The following BIN1 variants were observed in gnomAD, a reference collection of about 807,000 sequenced individuals.
The protein encoded by BIN1 is myc box-dependent-interacting protein 1.
BIN1 carries 53 observed loss-of-function variants against 82.0 expected under a neutral mutation model. The observed-to-expected ratio is 0.65, with a 90% CI of 0.52 to 0.81. BIN1 has a LOEUF of 0.81. BIN1 is among the 40% of genes least tolerant of loss of function. The probability of loss-of-function intolerance (pLI) is 0.00; values close to 1 mark genes in which losing one functional copy is unlikely to be tolerated. For synonymous variants in BIN1, 302 were observed against 328.0 expected, an observed-to-expected ratio of 0.92 and a Z score of 0.86; for missense variants, 642 against 784.4, an observed-to-expected ratio of 0.82 and a Z score of 2.17.
Position 127,059,141 on chromosome 2 carries a change from G to T in BIN1, c.872C>A (p.Ala291Glu). 1 of 1,581,604 alleles carries T rather than the reference G, an allele frequency of 6.3e-7. No homozygotes were observed. ...AGGCGAAGGGCTCTTGTTCCCTTTT[G>T]CAGGCGCGTTGTCACTGTGGGGGAG... ...VKAQPSDNAP[A>E]KGNKSPSPPD... Residue 291 changes from alanine to glutamate, a missense_variant, in exon 11 of 19, where the codon GCA becomes GAA. Coordinates refer to ENST00000316724, the MANE Select transcript of BIN1 (RefSeq NM_139343.3). The surrounding 1 kb of genome is among the most constrained non-coding windows in gnomAD (Gnocchi z 6.7).
intron 1 of BIN1, among the ~76,000 whole-genome samples, chr2:127,105,475 CTCCT>C (rs1680951615): frequency 1.6e-5 from 1 of 60,902 alleles, no homozygotes; most frequent in Admixed American, 1.4e-4. Context: ...ATCCCTCCTC[CTCCT>C]CCTCCTCCTC....
intron 8 of BIN1, 99 bp downstream of exon 8, chr2:127,063,834 C>A: frequency 6.6e-7 from 1 of 1,509,540 alleles, no homozygotes; most frequent in Non-Finnish European, 9.2e-7. Context: ...GACTGGACAC[C>A]GCAGCACGCA....
At chr2:127,103,255 G>C (rs1012634448) in intron 1 of BIN1, among the ~76,000 whole-genome samples, 1 of 152,160 alleles carries the variant, frequency 6.6e-6, no homozygotes, top group Admixed American at 6.5e-5. Flanking sequence ...CAAATATAAC[G>C]CTTGGTGTAC....
intron 14 of BIN1, chr2:127,053,053 A>G (rs555343842): frequency 2.8e-6 from 1 of 352,770 alleles, no homozygotes; most frequent in Admixed American, 3.7e-5. Flanking sequence ...GAAGGCAAGA[A>G]CCTTCTACCC....
At chr2:127,051,928 G>T (rs1683007890) in intron 15 of BIN1, among the ~76,000 whole-genome samples, 2 of 152,236 alleles carry the variant, frequency 1.3e-5, no homozygotes, top group South Asian at 2.1e-4. Flanking sequence ...GAAGTGTCTG[G>T]CTGTAAAGGT....
At chr2:127,089,063 TGGTG>T (rs148283867) in intron 1 of BIN1, among the ~76,000 whole-genome samples, 2,787 of 152,154 alleles carry the variant, frequency 0.018, 83 homozygotes, top group East Asian at 0.06. Context: ...CATAGCCTCA[TGGTG>T]GACCCCTCCA....
intron 1 of BIN1, among the ~76,000 whole-genome samples, chr2:127,097,977 G>A (rs1679815198): frequency 6.6e-6 from 1 of 152,210 alleles, no homozygotes; most frequent in Non-Finnish European, 1.5e-5. Flanking sequence ...TGGGGCCTGA[G>A]GGAAAGCCCC....
At chr2:127,105,097 A>T (rs1364245282) in intron 1 of BIN1, among the ~76,000 whole-genome samples, 1 of 152,202 alleles carries the variant, frequency 6.6e-6, no homozygotes, top group Non-Finnish European at 1.5e-5. Flanking sequence ...TCAGTGATAC[A>T]TCACCACCTC....
intron 1 of BIN1, among the ~76,000 whole-genome samples, chr2:127,104,641 C>T (rs1194304899): frequency 6.6e-6 from 1 of 152,200 alleles, no homozygotes. Flanking sequence ...GTGGGGCTGC[C>T]TGTAAGAGAC....
At chr2:127,100,999 C>CGGGGGGGGGGGGGGGGGGGGGGGGGG in intron 1 of BIN1, among the ~76,000 whole-genome samples, 1 of 101,684 alleles carries the variant, frequency 9.8e-6, no homozygotes, top group Non-Finnish European at 2.0e-5. Flanking sequence ...TAGGAATGTG[C>CGGGGGGGGGGGGGGGGGGGGGGGGGG]GGGGGGTGGG....
intron 1 of BIN1, among the ~76,000 whole-genome samples, chr2:127,095,861 G>GC (rs1273192786): frequency 6.6e-6 from 1 of 152,164 alleles, no homozygotes; most frequent in Admixed American, 6.5e-5. Flanking sequence ...CAATGGCTCT[G>GC]CCCCCCTGAA....
intron 2 of BIN1, among the ~76,000 whole-genome samples, chr2:127,072,532 T>C (rs1434296411): frequency 6.6e-6 from 1 of 152,032 alleles, no homozygotes; most frequent in Non-Finnish European, 1.5e-5. Context: ...CTGCCTATTA[T>C]GATGAATGCT....
chr2:127,057,450 G>GGGCCGCGGC lies in BIN1; in HGVS notation c.1131+14_1131+22dup. The GGGCCGCGGC allele has an allele frequency of 6.5e-7, 1 of 1,540,798 alleles. No homozygotes were observed. Among genetic ancestry groups the GGGCCGCGGC allele is most frequent in the Non-Finnish European group, 8.8e-7 (1 of 1,141,634 alleles). ...GAGAGGGCAGGAAGAGAGGAGAGCT[G>GGGCCGCGGC]GGCCGCGGCGGCCGCGGCTGACCTG... On this transcript the variant is annotated intron_variant, in intron 12 of 18. Coordinates refer to ENST00000316724, the MANE Select transcript of BIN1 (RefSeq NM_139343.3). This position sits in a 1 kb window ranked among gnomAD's most constrained non-coding sequence, Gnocchi z 5.0.
chr2:127,078,762 C>G (rs1484174402), intron 1 of BIN1, among the ~76,000 whole-genome samples: 1 of 152,216 alleles, frequency 6.6e-6, no homozygotes, highest in Non-Finnish European at 1.5e-5. Context: ...GAAGGGACCC[C>G]CCAGAAAGTG....
chr2:127,079,233 C>G (rs1380265405), intron 1 of BIN1, among the ~76,000 whole-genome samples: 2 of 152,240 alleles, frequency 1.3e-5, no homozygotes, highest in East Asian at 3.8e-4. Context: ...TGAGACTCCA[C>G]GCAGCAGTGA....
chr2:127,091,704 TG>T (rs1678947341), intron 1 of BIN1, among the ~76,000 whole-genome samples: 1 of 151,028 alleles, frequency 6.6e-6, no homozygotes, highest in Non-Finnish European at 1.5e-5. Flanking sequence ...GCCTGGGCAA[TG>T]TAAGGAGACC....
rs907013481 is a variant in BIN1 at position 127,090,707 on chromosome 2, C to T, written c.85-14001G>A. Among the ~76,000 whole-genome samples the T allele has an allele frequency of 1.4e-4, 21 of 152,166 alleles. No homozygotes were observed. Among genetic ancestry groups the T allele is most frequent in the African/African-American group, 4.8e-4 (20 of 41,426 alleles). On this transcript the variant is annotated intron_variant, in intron 1 of 18. Transcript: ENST00000316724. The surrounding 1 kb of genome is among the most constrained non-coding windows in gnomAD (Gnocchi z 6.4). ...CACAGCTGTGGGTGGGGGGCGGTGG[C>T]AGCTCCCCAGCAGCCAGGGCAGGGG...
Position 127,077,838 on chromosome 2 carries a change from A to T in BIN1, c.85-1132T>A, listed in dbSNP as rs1020564965. On this transcript the variant is annotated intron_variant, in intron 1 of 18. Coordinates refer to ENST00000316724, the MANE Select transcript of BIN1 (RefSeq NM_139343.3). The stretch of plus-strand genomic sequence containing the variant: ...CAGGGCGGCAGAAAGGCCAACACTG[A>T]TGTCTCAGCAGAGGCCTCTCCCAGG... Among the ~76,000 whole-genome samples, 14 of 151,984 alleles carry T rather than the reference A, an allele frequency of 9.2e-5. No homozygotes were observed. In the East Asian group the frequency reaches 2.7e-3, roughly 30 times the overall value.
chr2:127,060,566 G>A, intron 10 of BIN1: 1 of 1,614,006 alleles, frequency 6.2e-7, no homozygotes, highest in Non-Finnish European at 8.5e-7. Flanking sequence ...GCGGGCCTCT[G>A]CGCCCCTCCG....
Sources: gnomAD v4.1 joint callset for allele counts (sites outside exome capture counted in the v4.1 genomes callset) on GRCh38, gnomAD v4.1.1 for gene constraint, Gnocchi (gnomAD v3.1) non-coding constraint, MANE v1.5 for transcripts, NCBI Gene and HGNC (gene_info 2026-07-23, HGNC 2026-07-21) for gene names.